Variants in CACNA1C observed in about 807,000 individuals in gnomAD.
CACNA1C encodes the protein voltage-dependent L-type calcium channel subunit alpha-1C.
A neutral mutation model predicts 229.0 loss-of-function variants in CACNA1C; 30 were observed. That is an observed-to-expected ratio of 0.13 (90% CI 0.10 to 0.18). CACNA1C has a LOEUF of 0.18. CACNA1C is among the 10% of genes least tolerant of loss of function. CACNA1C has a pLI of 1.00. For synonymous variants in CACNA1C, 1,114 were observed against 1,132.5 expected (o/e 0.98, Z 0.33); for missense variants, 1,658 against 2,845.0 (o/e 0.58, Z 9.49).
intron 3 of CACNA1C, among the ~76,000 whole-genome samples, chr12:2,137,246 G>T (rs372945637): frequency 2.6e-5 from 4 of 151,448 alleles, no homozygotes; most frequent in African/African-American, 9.6e-5. Context: ...TCTGGTTCCA[G>T]TTCTACCTCT....
intron 3 of CACNA1C, among the ~76,000 whole-genome samples, chr12:2,345,231 T>G (rs947203522): frequency 4.0e-5 from 6 of 151,836 alleles, no homozygotes; most frequent in Non-Finnish European, 8.8e-5. Flanking sequence ...AGAGAGTCTA[T>G]GGGGCAGGGG....
intron 3 of CACNA1C, among the ~76,000 whole-genome samples, chr12:2,300,343 C>T (rs780224742): frequency 5.3e-5 from 8 of 152,136 alleles, no homozygotes; most frequent in African/African-American, 1.4e-4. Flanking sequence ...AGGCCGGGCA[C>T]GGCGGGCGGC....
chr12:2,277,489 T>C (rs1221522766), intron 3 of CACNA1C, among the ~76,000 whole-genome samples: 4 of 150,722 alleles, frequency 2.7e-5, no homozygotes, highest in Admixed American at 2.0e-4. Context: ...TCCCAACTGT[T>C]GCTCTCTAAC....
At chr12:2,540,385 C>T (rs77960991) in intron 9 of CACNA1C, among the ~76,000 whole-genome samples, 250 of 152,202 alleles carry the variant, frequency 1.6e-3, no homozygotes, top group Non-Finnish European at 2.1e-3. Flanking sequence ...AGAGGAGACT[C>T]GGTGGGCAGG....
intron 3 of CACNA1C, among the ~76,000 whole-genome samples, chr12:2,355,890 C>G (rs898365436): frequency 2.0e-5 from 3 of 152,164 alleles, no homozygotes; most frequent in African/African-American, 2.4e-5. Flanking sequence ...GCTGAGAGAT[C>G]TACAAGCCTC....
At chr12:2,450,257 A>G (rs936691642) in intron 4 of CACNA1C, among the ~76,000 whole-genome samples, 2 of 152,194 alleles carry the variant, frequency 1.3e-5, no homozygotes, top group African/African-American at 2.4e-5. Flanking sequence ...AGTGTAAGTT[A>G]TTAAAATGCA....
At chr12:2,164,934 C>T (rs1045746592) in intron 3 of CACNA1C, among the ~76,000 whole-genome samples, 1 of 152,200 alleles carries the variant, frequency 6.6e-6, no homozygotes, top group African/African-American at 2.4e-5. Context: ...GGTGTGTTTT[C>T]TAGTCCTTTG....
At chr12:2,349,704 G>A (rs915768683) in intron 3 of CACNA1C, among the ~76,000 whole-genome samples, 60 of 152,214 alleles carry the variant, frequency 3.9e-4, no homozygotes, top group Admixed American at 3.3e-4. Flanking sequence ...GAGCTCTTGC[G>A]AGTCTGGAGC....
rs758974396 is a variant in CACNA1C, at chr12:2,688,726, G to C, written c.6064G>C (p.Ala2022Pro). ...RPVSLMVPSQAGAPGRQFHGS... is the reference protein window; with the variant it reads ...RPVSLMVPSQPGAPGRQFHGS... ...CGTCTCCCTCATGGTGCCCAGCCAGGCTGGGGCCCCAGGGAGGCAGTTCCA... is the reference window on the plus strand; with the variant it reads ...CGTCTCCCTCATGGTGCCCAGCCAGCCTGGGGCCCCAGGGAGGCAGTTCCA... The change falls in exon 46 of 47, where the codon GCT (alanine) becomes CCT (proline). Residue 2022 changes from alanine to proline, a missense_variant. This residue lies in a region of CACNA1C where 590 missense variants were observed against 700.8 expected (regional missense o/e 0.84). Coordinates refer to ENST00000399655, the MANE Select transcript of CACNA1C (RefSeq NM_000719.7). 1.5e-5 allele frequency: 24 copies of C among 1,601,444 alleles called. 1 individual carries two copies. Among genetic ancestry groups the C allele is most frequent in the Middle Eastern group, 1.7e-4 (1 of 6,028 alleles).
rs527756585 is a variant in CACNA1C at position 2,414,084 on chromosome 12, G to A, written c.478-34892G>A. Among the ~76,000 whole-genome samples the A allele has an allele frequency of 2.1e-3, 314 of 151,572 alleles. 1 individual carries two copies. The highest frequency in any genetic ancestry group is 3.2e-3 in the Admixed American group (49 of 15,180). The stretch of plus-strand genomic sequence containing the variant: ...GTAAGACTGGCCCAAGTCCTATCCC[G>A]TCTCCGTTATTTGCTGGCCGTGGGA... On this transcript the variant is annotated intron_variant, in intron 3 of 46. Coordinates refer to ENST00000399655, the MANE Select transcript of CACNA1C (RefSeq NM_000719.7).
rs2099785553 is a variant in CACNA1C at position 2,512,100 on chromosome 12, G to C, written c.1218-712G>C. Among the ~76,000 whole-genome samples the C allele has an allele frequency of 6.6e-6, 1 of 152,168 alleles. No homozygotes were observed. Among genetic ancestry groups the C allele is most frequent in the Non-Finnish European group, 1.5e-5 (1 of 68,036 alleles). On this transcript the variant is annotated intron_variant, in intron 8 of 46. Transcript: ENST00000399655. This position sits in a 1 kb window ranked among gnomAD's most constrained non-coding sequence, Gnocchi z 4.3. ...GAGTGGCAGGTTGAGCTCGTCATAAGAATAGAGATTGAGGACATTAAATCT... is the reference window on the plus strand; with the variant it reads ...GAGTGGCAGGTTGAGCTCGTCATAACAATAGAGATTGAGGACATTAAATCT...
chr12:2,136,657 G>A (rs1011280724), intron 3 of CACNA1C, among the ~76,000 whole-genome samples: 1 of 151,084 alleles, frequency 6.6e-6, no homozygotes, highest in African/African-American at 2.4e-5. Context: ...TGTCTGTAGG[G>A]GTCCTGGGGG....
At chr12:2,276,685 A>G (rs548199316) in intron 3 of CACNA1C, among the ~76,000 whole-genome samples, 1 of 152,326 alleles carries the variant, frequency 6.6e-6, no homozygotes, top group South Asian at 2.1e-4. Context: ...AGAGTAATTG[A>G]GATCAGAGAC....
At chr12:2,490,769 G>C (rs965367938) in intron 6 of CACNA1C, among the ~76,000 whole-genome samples, 1 of 152,200 alleles carries the variant, frequency 6.6e-6, no homozygotes, top group African/African-American at 2.4e-5. Flanking sequence ...GTAGTTAGAG[G>C]ACTGCTTGTT....
At chr12:2,435,194 T>G (rs1416791891) in intron 3 of CACNA1C, among the ~76,000 whole-genome samples, 2 of 152,180 alleles carry the variant, frequency 1.3e-5, no homozygotes. Context: ...AGGACCCCAT[T>G]GTGCAGCTCC....
At chr12:2,469,351 G>A (rs746486690) in intron 5 of CACNA1C, among the ~76,000 whole-genome samples, 2 of 152,164 alleles carry the variant, frequency 1.3e-5, no homozygotes, top group Non-Finnish European at 2.9e-5. Flanking sequence ...ATCGAGCCAC[G>A]CGACACGAGC....
intron 4 of CACNA1C, among the ~76,000 whole-genome samples, chr12:2,454,486 T>C (rs2099404268): frequency 6.6e-6 from 1 of 152,146 alleles, no homozygotes; most frequent in East Asian, 1.9e-4. Context: ...TCCAGCCAGC[T>C]CAGACGCCAT....
At chr12:2,460,378 G>A (rs928357375) in intron 5 of CACNA1C, among the ~76,000 whole-genome samples, 6 of 152,234 alleles carry the variant, frequency 3.9e-5, no homozygotes, top group Non-Finnish European at 8.8e-5. Flanking sequence ...ACACATAGCA[G>A]CCTACCACAA....
chr12:2,370,206 T>C (rs921092565), intron 3 of CACNA1C, among the ~76,000 whole-genome samples: 6 of 152,154 alleles, frequency 3.9e-5, no homozygotes, highest in Non-Finnish European at 8.8e-5. Flanking sequence ...ATTAAAAAAA[T>C]ACATTAGCAA....
Sources: gnomAD v4.1 joint callset for allele counts (sites outside exome capture counted in the v4.1 genomes callset) on GRCh38, gnomAD v4.1.1 for gene constraint, gnomAD v4.1.1 regional missense constraint, Gnocchi (gnomAD v3.1) non-coding constraint, MANE v1.5 for transcripts, NCBI Gene and HGNC (gene_info 2026-07-23, HGNC 2026-07-21) for gene names.